The following CEP95 variants were observed in gnomAD, a reference collection of about 807,000 sequenced individuals.
The protein encoded by CEP95 is centrosomal protein 95, also known as centrosomal protein of 95 kDa.
In CEP95, 98 loss-of-function variants were observed where a neutral mutation model predicts 111.2. The observed-to-expected ratio is 0.88, with a 90% CI of 0.75 to 1.04. The LOEUF (loss-of-function observed/expected upper bound fraction) is 1.04. Among genes scored for constraint, CEP95 ranks in the 50% least tolerant of loss-of-function variants. CEP95 has a pLI of 0.00. For missense variants in CEP95, 1,027 were observed against 977.2 expected (o/e 1.05, Z -0.68); for synonymous variants, 323 against 327.1 (o/e 0.99, Z 0.14).
At chr17:64,522,492 T>TA (rs544103500) in intron 7 of CEP95, among the ~76,000 whole-genome samples, 93 of 146,746 alleles carry the variant, frequency 6.3e-4, no homozygotes, top group African/African-American at 9.9e-4. Flanking sequence ...TTTTAAAAAT[T>TA]AAAAAAAAAA....
rs782225141 is a variant in CEP95 at position 64,531,924 on chromosome 17, G to A, written c.1574G>A (p.Gly525Glu). The A allele has an allele frequency of 2.5e-6, 4 of 1,606,034 alleles. No homozygotes were observed. In the Admixed American group the frequency reaches 6.9e-5, roughly 28 times the overall value. The change falls in exon 14 of 20, where the codon GGA (glycine) becomes GAA (glutamate). Residue 525 changes from glycine (G) to glutamate (E), a missense_variant. Transcript: ENST00000556440. ...KIYRGEAVRK[G>E]TPECSQPWKI... is the part of the protein sequence containing the mutation. Reference sequence around the variant, plus strand: ...TACAGAGGAGAAGCTGTTCGTAAAGGAACTCCAGAATGTAGTCAGCCCTGG... The same window carrying A: ...TACAGAGGAGAAGCTGTTCGTAAAGAAACTCCAGAATGTAGTCAGCCCTGG...
intron 3 of CEP95, among the ~76,000 whole-genome samples, chr17:64,512,347 A>G (rs547486741): frequency 1.3e-5 from 2 of 152,310 alleles, no homozygotes; most frequent in Admixed American, 6.5e-5. Flanking sequence ...TTCAGTGTAT[A>G]CTTTTTGCAC....
At chr17:64,534,469 C>G in intron 16 of CEP95, 116 bp from the exon 17 acceptor site, 1 of 923,850 alleles carries the variant, frequency 1.1e-6, no homozygotes, top group Non-Finnish European at 1.6e-6. Context: ...CACTGGCCCC[C>G]CACACGTGAC....
chr17:64,507,466 C>G, intron 1 of CEP95: 2 of 1,283,022 alleles, frequency 1.6e-6, no homozygotes, highest in Non-Finnish European at 2.0e-6. Context: ...ACTATGGGCC[C>G]TGAGGTCGTA....
intron 10 of CEP95, 50 bp from the exon 11 acceptor site, chr17:64,527,061 T>A: frequency 6.5e-7 from 1 of 1,538,378 alleles, no homozygotes; most frequent in African/African-American, 1.4e-5. Flanking sequence ...CCTACGAATT[T>A]ACATTCTGCT....
chr17:64,515,249 G>A (rs1014031627), intron 4 of CEP95, among the ~76,000 whole-genome samples: 3 of 152,138 alleles, frequency 2.0e-5, no homozygotes, highest in Non-Finnish European at 4.4e-5. Context: ...GAGTCAGGGA[G>A]ACAGCCATAA....
chr17:64,525,747 A>G, intron 8 of CEP95, 23 bp from the exon 9 acceptor site: 1 of 1,496,824 alleles, frequency 6.7e-7, no homozygotes, highest in Non-Finnish European at 9.2e-7. Context: ...TTTTCAAATC[A>G]ACTTTTTTTC....
chr17:64,507,827 A>AGTGCTTTCCTAC, intron 1 of CEP95: 1 of 985,462 alleles, frequency 1.0e-6, no homozygotes, highest in Non-Finnish European at 1.2e-6. Flanking sequence ...ACCGATTGAA[A>AGTGCTTTCCTAC]GTGCTTTCCT....
intron 8 of CEP95, among the ~76,000 whole-genome samples, chr17:64,523,672 G>C (rs907899542): frequency 3.9e-5 from 6 of 152,110 alleles, no homozygotes; most frequent in Non-Finnish European, 1.5e-5. Context: ...CCAGCACTTT[G>C]GGAGGCTCAT....
chr17:64,527,566 AT>A (rs1967916640), intron 11 of CEP95, among the ~76,000 whole-genome samples: 1 of 151,930 alleles, frequency 6.6e-6, no homozygotes, highest in African/African-American at 2.4e-5. Context: ...TTTTCTTCTG[AT>A]CCTTGTTTTT....
intron 3 of CEP95, among the ~76,000 whole-genome samples, chr17:64,512,320 A>G (rs1337408963): frequency 6.6e-6 from 1 of 152,252 alleles, no homozygotes; most frequent in African/African-American, 2.4e-5. Context: ...GGGTTGCAGG[A>G]CAAAGGGACA....
At chr17:64,516,534 C>T (rs2039152741) in intron 4 of CEP95, among the ~76,000 whole-genome samples, 189 bp from the exon 5 acceptor site, 1 of 152,156 alleles carries the variant, frequency 6.6e-6, no homozygotes, top group African/African-American at 2.4e-5. Context: ...ATTCTTGTTT[C>T]TTTGTTACTC....
rs555822567 is a variant in CEP95, at chr17:64,509,897, C to T, written c.149-276C>T. On this transcript the variant is annotated intron_variant, in intron 2 of 19. Coordinates refer to ENST00000556440, the MANE Select transcript of CEP95 (RefSeq NM_138363.3). ...TCTTGTAAAGCATATTCATGTATAT[C>T]TATATATCTATATATATATATATGG... 8.6e-5 allele frequency among the ~76,000 whole-genome samples: 13 copies of T among 151,056 alleles called. No homozygotes were observed. The East Asian group carries it at 1.4e-3, about 16-fold the overall frequency.
chr17:64,510,071 C>G lies in CEP95; in HGVS notation c.149-102C>G, dbSNP rs895756125. ...TACAGCATGTTCTGTTTGGGCAGAG[C>G]CTTTATAGCAGTTGAGCATATTCAG... is the stretch of plus-strand genomic sequence containing the variant. On this transcript the variant is annotated intron_variant, in intron 2 of 19. Transcript: ENST00000556440. 30 of 677,068 alleles carry G rather than the reference C, an allele frequency of 4.4e-5. No homozygotes were observed. The Admixed American group carries it at 6.9e-4, about 16-fold the overall frequency. 41.9% of individuals were successfully genotyped at this position (677,068 alleles called of 1,614,324 possible).
At chr17:64,525,949 G>T in intron 9 of CEP95, 67 bp downstream of exon 9, 1 of 1,475,840 alleles carries the variant, frequency 6.8e-7, no homozygotes, top group Admixed American at 2.2e-5. Context: ...GCAGGGGCAT[G>T]ATCTCCAAAT....
chr17:64,519,482 T>A, intron 6 of CEP95, 46 bp downstream of exon 6: 1 of 1,352,632 alleles, frequency 7.4e-7, no homozygotes, highest in South Asian at 1.2e-5. Flanking sequence ...AACATACAAC[T>A]ATAAAAATGT....
At chr17:64,531,128 C>T (rs1240785526) in intron 13 of CEP95, 110 bp downstream of exon 13, 7 of 553,752 alleles carry the variant, frequency 1.3e-5, no homozygotes, top group African/African-American at 9.7e-5. Flanking sequence ...ATCATGAGCT[C>T]TTTAGGAAAA....
intron 5 of CEP95, among the ~76,000 whole-genome samples, chr17:64,517,958 C>T (rs1252721200): frequency 6.6e-6 from 1 of 152,020 alleles, no homozygotes; most frequent in Non-Finnish European, 1.5e-5. Flanking sequence ...CTTACTGCAA[C>T]CTCTGCCTCC....
chr17:64,514,779 A>G, intron 4 of CEP95: 1 of 233,716 alleles, frequency 4.3e-6, no homozygotes, highest in Non-Finnish European at 8.2e-6. Flanking sequence ...TGACAGCCTA[A>G]ATATTTCAGA....
Sources: gnomAD v4.1 joint callset for allele counts (sites outside exome capture counted in the v4.1 genomes callset) on GRCh38, gnomAD v4.1.1 for gene constraint, MANE v1.5 for transcripts, NCBI Gene and HGNC (gene_info 2026-07-23, HGNC 2026-07-21) for gene names.